MBTD1: variants seen among roughly 807,000 people sequenced by gnomAD.
MBTD1 encodes mbt domain containing 1, also known as MBT domain-containing protein 1.
Under a neutral mutation model 87.8 loss-of-function variants are expected in MBTD1, and 24 were observed. That is an observed-to-expected ratio of 0.27 (90% CI 0.20 to 0.38). The LOEUF (loss-of-function observed/expected upper bound fraction) is 0.38. MBTD1 is among the 10% of genes least tolerant of loss of function. MBTD1 has a pLI of 1.00. For synonymous variants in MBTD1, 237 were observed against 248.6 expected (o/e 0.95, Z 0.44); for missense variants, 436 against 760.2 (o/e 0.57, Z 5.02).
intron 13 of MBTD1, among the ~76,000 whole-genome samples, chr17:51,194,856 C>T (rs958959765): frequency 6.6e-6 from 1 of 151,730 alleles, no homozygotes; most frequent in African/African-American, 2.4e-5. Context: ...TGCCACTGCA[C>T]TCCAGCCTGG....
At chr17:51,239,780 A>G (rs1307097054) in intron 2 of MBTD1, among the ~76,000 whole-genome samples, 1 of 152,192 alleles carries the variant, frequency 6.6e-6, no homozygotes, top group Non-Finnish European at 1.5e-5. Context: ...CAAAAAAAAA[A>G]TCCCAGTTGA....
intron 16 of MBTD1, among the ~76,000 whole-genome samples, chr17:51,189,140 T>C (rs1466960557): frequency 6.8e-6 from 1 of 148,088 alleles, no homozygotes; most frequent in African/African-American, 2.6e-5. Flanking sequence ...ATTTGGGCCA[T>C]TTAATGTAAA....
At chr17:51,232,894 TA>T (rs1238743301) in intron 2 of MBTD1, among the ~76,000 whole-genome samples, 1 of 150,258 alleles carries the variant, frequency 6.7e-6, no homozygotes, top group Non-Finnish European at 1.5e-5. Flanking sequence ...AAAATAAAAA[TA>T]AAAAAAATTA....
At position 51,197,041 on chromosome 17, in the gene MBTD1, GATATATATATATATATATATAT is replaced by G. The variant is rs71149351; in HGVS notation, c.1225-1702_1225-1681del. Among the ~76,000 whole-genome samples, 32 of 87,604 alleles carry G rather than the reference GATATATATATATATATATATAT, an allele frequency of 3.7e-4. 1 individual carries two copies. The highest frequency in any genetic ancestry group is 5.4e-4 in the Non-Finnish European group (22 of 40,958). 57.5% of individuals were successfully genotyped at this position (87,604 alleles called of 152,430 possible). A position where few individuals can be genotyped will look rare whatever the true frequency, so the allele number is the denominator to read the frequency against. On this transcript the variant is annotated intron_variant, in intron 12 of 16. Coordinates refer to ENST00000586178, the MANE Select transcript of MBTD1 (RefSeq NM_017643.3). ...TCTTTATCTATTATTATATATACAA[GATATATATATATATATATATAT>G]ATATATATATATATATATATATATA... is the stretch of plus-strand genomic sequence containing the variant.
rs1165542294 is a variant in MBTD1, at chr17:51,203,319, G to A, written c.740-91C>T. ...AAAAAGTAACAAATTTCCTTGCAAA[G>A]TCAGGCTATTAACATTCTGAAAAGT... is the stretch of plus-strand genomic sequence containing the variant. On this transcript the variant is annotated intron_variant, in intron 8 of 16. Coordinates refer to ENST00000586178, the MANE Select transcript of MBTD1 (RefSeq NM_017643.3). 4 of 684,610 alleles carry A rather than the reference G, an allele frequency of 5.8e-6. No individual in the cohort carries two copies. The Admixed American group carries it at 1.1e-4, about 18-fold the overall frequency. 42.4% of individuals were successfully genotyped at this position (684,610 alleles called of 1,614,324 possible). A position where few individuals can be genotyped will look rare whatever the true frequency, so the allele number is the denominator to read the frequency against.
At chr17:51,199,093 GTCTT>G (rs917996419) in intron 12 of MBTD1, among the ~76,000 whole-genome samples, 1 of 151,946 alleles carries the variant, frequency 6.6e-6, no homozygotes, top group African/African-American at 2.4e-5. Context: ...ACTGCACGCA[GTCTT>G]TATTTTTTTC....
intron 16 of MBTD1, chr17:51,191,683 G>GTGA (rs1179571830): frequency 6.5e-6 from 1 of 152,962 alleles, no homozygotes; most frequent in Non-Finnish European, 1.4e-5. Context: ...CTGGGTTCAA[G>GTGA]TGATTCTCTT....
rs1021387342 is a variant in MBTD1, at chr17:51,210,996, G to A, written c.487-3991C>T. Among the ~76,000 whole-genome samples the A allele has an allele frequency of 4.0e-5, 6 of 151,886 alleles. No individual in the cohort carries two copies. In the South Asian group the frequency reaches 1.2e-3, roughly 32 times the overall value. Reference sequence around the variant, plus strand: ...TACCCAAAACACAAAAATTAGCCGGGTGTGGTGGCACGCACCTGTAGTCCC... The same window carrying A: ...TACCCAAAACACAAAAATTAGCCGGATGTGGTGGCACGCACCTGTAGTCCC... On this transcript the variant is annotated intron_variant, in intron 6 of 16. Transcript: ENST00000586178.
At chr17:51,256,958 AG>A (rs2055125991) in intron 2 of MBTD1, 1 of 152,174 alleles carries the variant, frequency 6.6e-6, no homozygotes, top group African/African-American at 2.4e-5. Flanking sequence ...TCTCATATTC[AG>A]GGTTTGTTCA....
At chr17:51,226,605 T>C (rs1222290575) in intron 2 of MBTD1, among the ~76,000 whole-genome samples, 1 of 151,888 alleles carries the variant, frequency 6.6e-6, no homozygotes, top group Non-Finnish European at 1.5e-5. Flanking sequence ...TAGACCAATT[T>C]GGAGTATCCA....
In MBTD1 at chr17:51,195,198, T is replaced by TA. The variant is rs1231912777; in HGVS notation, c.1372+15dup. 6.2e-7 allele frequency: 1 copy of TA among 1,604,126 alleles called. No homozygotes were observed. Among genetic ancestry groups the TA allele is most frequent in the Non-Finnish European group, 8.5e-7 (1 of 1,176,526 alleles). The stretch of plus-strand genomic sequence containing the variant: ...AGCAACAATTAAAACCCAGTGTTTA[T>TA]ATTAGGATGAAGTACCTCTGGGTGG... On this transcript the variant is annotated intron_variant, in intron 13 of 16. Coordinates refer to ENST00000586178, the MANE Select transcript of MBTD1 (RefSeq NM_017643.3).
chr17:51,236,099 G>A (rs1194409300), intron 2 of MBTD1, among the ~76,000 whole-genome samples: 2 of 151,744 alleles, frequency 1.3e-5, no homozygotes, highest in South Asian at 2.1e-4. Flanking sequence ...TATATCTATA[G>A]ATTTACATAC....
At chr17:51,188,174 C>G (rs899406349) in intron 16 of MBTD1, among the ~76,000 whole-genome samples, 3 of 152,326 alleles carry the variant, frequency 2.0e-5, no homozygotes, top group Admixed American at 1.3e-4. Context: ...TTACTACTTA[C>G]AGTAGTCCCT....
chr17:51,206,822 GC>G, intron 7 of MBTD1, 65 bp downstream of exon 7: 1 of 1,121,320 alleles, frequency 8.9e-7, no homozygotes, highest in Non-Finnish European at 1.3e-6. Context: ...TTATAAACAT[GC>G]TTTTTTTACG....
At position 51,217,255 on chromosome 17, in the gene MBTD1, G is replaced by A. The variant is rs1336517468; in HGVS notation, c.486+79C>T. ...AAAAACAAACACCTTCTAAGGATAA[G>A]ATGCTTAGGTGTTATTGTACCTTCA... On this transcript the variant is annotated intron_variant, in intron 6 of 16. Transcript: ENST00000586178. The A allele has an allele frequency of 5.5e-6, 4 of 728,140 alleles. No individual in the cohort carries two copies. In the East Asian group the frequency reaches 1.2e-4, roughly 23 times the overall value. 45.1% of individuals were successfully genotyped at this position (728,140 alleles called of 1,614,324 possible).
intron 2 of MBTD1, among the ~76,000 whole-genome samples, chr17:51,253,741 G>T (rs1285851474): frequency 6.6e-6 from 1 of 152,028 alleles, no homozygotes; most frequent in East Asian, 1.9e-4. Context: ...CAAAATTAAA[G>T]AAGAGATCAC....
rs1289670885 is a variant in MBTD1, at chr17:51,179,763, G to T, written c.*813C>A. 1.3e-5 allele frequency: 2 copies of T among 151,308 alleles called. No homozygotes were observed. Among genetic ancestry groups the T allele is most frequent in the Non-Finnish European group, 2.9e-5 (2 of 67,848 alleles). 9.4% of individuals were successfully genotyped at this position (151,308 alleles called of 1,614,324 possible). Reference sequence around the variant, plus strand: ...GAGAACTGATCAGAATCCCTTTCGTGGGGTATTTTTTTTAGAAAGGAAAAT... The same window carrying T: ...GAGAACTGATCAGAATCCCTTTCGTTGGGTATTTTTTTTAGAAAGGAAAAT... On this transcript the variant is annotated 3_prime_UTR_variant, in exon 17 of 17. Transcript: ENST00000586178.
intron 7 of MBTD1, among the ~76,000 whole-genome samples, chr17:51,206,373 G>C (rs115815013): frequency 0.014 from 2,094 of 152,154 alleles, 51 homozygotes; most frequent in African/African-American, 0.048. Context: ...CTCCCTAAAA[G>C]CTGGGATTAC....
At chr17:51,209,298 G>GT in intron 6 of MBTD1, 1 of 464,652 alleles carries the variant, frequency 2.2e-6, no homozygotes. Context: ...TAATTTACAG[G>GT]TAACAACAAA....
Sources: gnomAD v4.1 joint callset for allele counts (sites outside exome capture counted in the v4.1 genomes callset) on GRCh38, gnomAD v4.1.1 for gene constraint, MANE v1.5 for transcripts, NCBI Gene and HGNC (gene_info 2026-07-23, HGNC 2026-07-21) for gene names.